STK32B: variants seen among roughly 807,000 people sequenced by gnomAD.
STK32B encodes the protein serine/threonine-protein kinase 32B.
In STK32B, 43 loss-of-function variants were observed where a neutral mutation model predicts 52.6. That is an observed-to-expected ratio of 0.82 (90% CI 0.64 to 1.05). The LOEUF (loss-of-function observed/expected upper bound fraction) is 1.05. Among genes scored for constraint, STK32B ranks in the 50% least tolerant of loss-of-function variants. The pLI is 0.00. For synonymous variants in STK32B, 238 were observed against 204.3 expected (o/e 1.17, Z -1.41); for missense variants, 621 against 534.6 (o/e 1.16, Z -1.59).
chr4:5,463,072 C>G (rs1717160300), intron 9 of STK32B, among the ~76,000 whole-genome samples: 1 of 152,246 alleles, frequency 6.6e-6, no homozygotes, highest in Non-Finnish European at 1.5e-5. Flanking sequence ...CTCACAGAGC[C>G]TGGGGAGTAG....
intron 3 of STK32B, among the ~76,000 whole-genome samples, chr4:5,260,442 C>G (rs1039985767): frequency 8.5e-5 from 13 of 152,112 alleles, no homozygotes; most frequent in African/African-American, 2.9e-4. Context: ...GATCAGTGCT[C>G]GCAGAGACAC....
At chr4:5,322,062 AG>A (rs1167993663) in intron 3 of STK32B, among the ~76,000 whole-genome samples, 2 of 149,400 alleles carry the variant, frequency 1.3e-5, no homozygotes, top group African/African-American at 5.0e-5. Flanking sequence ...GGCTGAACAC[AG>A]TGGCTCACAC....
chr4:5,245,913 T>C (rs1277736505), intron 3 of STK32B, among the ~76,000 whole-genome samples: 1 of 152,232 alleles, frequency 6.6e-6, no homozygotes, highest in Non-Finnish European at 1.5e-5. Context: ...CACTCTCTTC[T>C]GGCTTGTAGA....
chr4:5,245,958 G>C (rs931461260), intron 3 of STK32B, among the ~76,000 whole-genome samples: 7 of 152,210 alleles, frequency 4.6e-5, no homozygotes, highest in African/African-American at 1.7e-4. Flanking sequence ...AGTCTGAGGA[G>C]CTTCCCTTTG....
At chr4:5,255,087 T>C (rs1052974681) in intron 3 of STK32B, among the ~76,000 whole-genome samples, 1 of 152,202 alleles carries the variant, frequency 6.6e-6, no homozygotes, top group Middle Eastern at 3.4e-3. Flanking sequence ...GGCAGACTGA[T>C]ATTAATCAAT....
intron 11 of STK32B, 62 bp from the exon 12 acceptor site, chr4:5,498,883 T>C (rs1720499911): frequency 1.3e-6 from 2 of 1,534,704 alleles, no homozygotes; most frequent in African/African-American, 2.8e-5. Flanking sequence ...CCAGTGTGTC[T>C]CCTGGATGTG....
chr4:5,294,304 GT>G (rs199897233), intron 3 of STK32B, among the ~76,000 whole-genome samples: 11,354 of 151,866 alleles, frequency 0.075, 468 homozygotes, highest in South Asian at 0.099. Flanking sequence ...ATTTAAAGTA[GT>G]TTTTTTTCTA....
intron 5 of STK32B, among the ~76,000 whole-genome samples, chr4:5,415,806 G>A (rs533431320): frequency 1.3e-5 from 2 of 152,240 alleles, no homozygotes; most frequent in Admixed American, 6.5e-5. Context: ...CACTGTAGCC[G>A]ATCACATCAG....
At chr4:5,233,341 T>C (rs1724407865) in intron 3 of STK32B, among the ~76,000 whole-genome samples, 1 of 152,014 alleles carries the variant, frequency 6.6e-6, no homozygotes, top group African/African-American at 2.4e-5. Flanking sequence ...AGGAATTCTG[T>C]GGAAGTGTGG....
At chr4:5,342,590 A>G (rs1300645950) in intron 4 of STK32B, among the ~76,000 whole-genome samples, 1 of 152,156 alleles carries the variant, frequency 6.6e-6, no homozygotes, top group Non-Finnish European at 1.5e-5. Flanking sequence ...ATGGTGCTAA[A>G]CCATTCATGA....
chr4:5,476,890 A>T (rs1718282348), intron 11 of STK32B, among the ~76,000 whole-genome samples: 1 of 151,626 alleles, frequency 6.6e-6, no homozygotes, highest in African/African-American at 2.4e-5. Flanking sequence ...GGCTGCCACA[A>T]CCCAAGGGAT....
rs114682692 is a variant in STK32B at position 5,260,005 on chromosome 4, G to A, written c.261-71215G>A. 3.9e-3 allele frequency among the ~76,000 whole-genome samples: 590 copies of A among 151,956 alleles called. 5 individuals carry two copies. The highest frequency in any genetic ancestry group is 0.013 in the African/African-American group (529 of 41,428). ...AGAGCTAGGGGAATCTTCCTGAGGG[G>A]GGGTCAAGTCATGCCAACCTGCTTC... On this transcript the variant is annotated intron_variant, in intron 3 of 11. Transcript: ENST00000282908.
intron 3 of STK32B, among the ~76,000 whole-genome samples, chr4:5,258,707 C>T (rs1301095922): frequency 1.3e-5 from 2 of 152,200 alleles, no homozygotes; most frequent in African/African-American, 4.8e-5. Context: ...AAGTCACCAT[C>T]ACCTCTCTCC....
In STK32B at chr4:5,160,400, C is replaced by T. The variant is rs114624186; in HGVS notation, c.109-7899C>T. ...ACTACCAGTGTGTCAACACGTGCCA[C>T]GGCATGTCTCATCTCTCTGAACTTC... On this transcript the variant is annotated intron_variant, in intron 2 of 11. Transcript: ENST00000282908. Among the ~76,000 whole-genome samples the T allele has an allele frequency of 2.8e-3, 421 of 152,296 alleles. 2 individuals are homozygous for T. The highest frequency in any genetic ancestry group is 9.6e-3 in the African/African-American group (400 of 41,548).
chr4:5,332,565 A>C (rs956557338), intron 4 of STK32B, among the ~76,000 whole-genome samples: 55 of 152,250 alleles, frequency 3.6e-4, no homozygotes, highest in Non-Finnish European at 6.8e-4. Context: ...TTACATATGT[A>C]TACATGTGCC....
At chr4:5,165,570 C>G (rs1718806114) in intron 2 of STK32B, among the ~76,000 whole-genome samples, 1 of 152,180 alleles carries the variant, frequency 6.6e-6, no homozygotes, top group Admixed American at 6.5e-5. Context: ...TGCCTGCTGT[C>G]TCTTCTGAGA....
intron 4 of STK32B, among the ~76,000 whole-genome samples, chr4:5,377,624 G>A (rs140353464): frequency 7.9e-5 from 12 of 152,252 alleles, no homozygotes; most frequent in Non-Finnish European, 1.3e-4. Context: ...TAATCCCCAC[G>A]TGTCAAGGGA....
chr4:5,132,685 A>T (rs1406041471), intron 1 of STK32B, among the ~76,000 whole-genome samples: 1 of 152,162 alleles, frequency 6.6e-6, no homozygotes, highest in Non-Finnish European at 1.5e-5. Flanking sequence ...GACTTCCAGG[A>T]CTGTAAGATA....
intron 3 of STK32B, among the ~76,000 whole-genome samples, chr4:5,250,374 G>A (rs1331801128): frequency 7.3e-6 from 1 of 137,644 alleles, no homozygotes; most frequent in Non-Finnish European, 1.5e-5. Flanking sequence ...GTGCACTGAT[G>A]TGATCTTGGG....
Sources: gnomAD v4.1 joint callset for allele counts (sites outside exome capture counted in the v4.1 genomes callset) on GRCh38, gnomAD v4.1.1 for gene constraint, MANE v1.5 for transcripts, NCBI Gene and HGNC (gene_info 2026-07-23, HGNC 2026-07-21) for gene names.